HKDC1: variants seen among roughly 807,000 people sequenced by gnomAD.
HKDC1 encodes the protein hexokinase domain containing 1.
HKDC1 carries 66 observed loss-of-function variants against 96.6 expected under a neutral mutation model. The ratio of observed to expected loss-of-function variants is 0.68; its 90% CI spans 0.56 to 0.84. The LOEUF (loss-of-function observed/expected upper bound fraction) is 0.84, where lower values mean the gene tolerates loss of function less well. Among genes scored for constraint, HKDC1 ranks in the 40% least tolerant of loss-of-function variants. The pLI is 0.00. For missense variants in HKDC1, 1,211 were observed against 1,208.1 expected, an observed-to-expected ratio of 1.00 and a Z score of -0.04; for synonymous variants, 466 against 473.1, an observed-to-expected ratio of 0.98 and a Z score of 0.20.
At chr10:69,242,440 A>AAC (rs1564730436) in intron 6 of HKDC1, among the ~76,000 whole-genome samples, 1 of 150,622 alleles carries the variant, frequency 6.6e-6, no homozygotes, top group Admixed American at 6.6e-5. Flanking sequence ...AAAAAAAAAA[A>AAC]AAAAAAAAAA....
chr10:69,249,777 G>A (rs1242385731), intron 10 of HKDC1, among the ~76,000 whole-genome samples: 2 of 152,200 alleles, frequency 1.3e-5, no homozygotes, highest in East Asian at 3.8e-4. Context: ...GGGATTACAG[G>A]CGTGAGCCAC....
intron 1 of HKDC1, among the ~76,000 whole-genome samples, chr10:69,225,016 G>T (rs1843130235): frequency 6.6e-6 from 1 of 152,176 alleles, no homozygotes; most frequent in African/African-American, 2.4e-5. Context: ...TGTTCCTGGT[G>T]CTGTGGCAGA....
At chr10:69,250,972 A>G (rs1308951739) in intron 12 of HKDC1, among the ~76,000 whole-genome samples, 1 of 152,116 alleles carries the variant, frequency 6.6e-6, no homozygotes, top group African/African-American at 2.4e-5. Flanking sequence ...AGTTATAACA[A>G]TTGGGCAGTA....
intron 4 of HKDC1, among the ~76,000 whole-genome samples, chr10:69,237,398 A>G (rs1462702721): frequency 1.3e-5 from 2 of 151,966 alleles, no homozygotes; most frequent in Non-Finnish European, 2.9e-5. Context: ...AAGTTTAAAG[A>G]AGAAAATAGA....
chr10:69,262,935 C>T (rs191393576), intron 16 of HKDC1, among the ~76,000 whole-genome samples: 200 of 150,534 alleles, frequency 1.3e-3, no homozygotes, highest in East Asian at 6.6e-3. Flanking sequence ...TTTTTTTTTC[C>T]GTAATAAAAG....
In HKDC1 at chr10:69,250,519, C is replaced by T. The variant is rs185261510; in HGVS notation, c.1717-14C>T. ...GTCCGCCTGGTGTGAATGCCGCTCT[C>T]TCTCTCTCTGCAGCTCTTTGATCAC... On this transcript the variant is annotated splice_polypyrimidine_tract_variant and intron_variant, in intron 11 of 17. Transcript: ENST00000354624. The T allele has an allele frequency of 3.3e-3, 5,351 of 1,614,046 alleles. 16 individuals carry two copies. Among genetic ancestry groups the T allele is most frequent in the Non-Finnish European group, 3.7e-3 (4,308 of 1,179,982 alleles).
chr10:69,248,524 G>T lies in HKDC1; in HGVS notation c.1366G>T (p.Val456Leu). 1 of 1,613,616 alleles carries T rather than the reference G, an allele frequency of 6.2e-7. No homozygotes were observed. ...ESGSTKGAAM[V>L]TAVASRVQAQ... ...TGGCAGCACCAAGGGGGCCGCCATG[G>T]TGACCGCGGTGGCCTCCCGCGTGCA... is the stretch of plus-strand genomic sequence containing the variant. Residue 456 changes from valine to leucine, a missense_variant, in exon 10 of 18, where the codon GTG becomes TTG. Transcript: ENST00000354624.
intron 15 of HKDC1, 127 bp downstream of exon 15, chr10:69,259,086 C>T: frequency 1.4e-6 from 1 of 730,950 alleles, no homozygotes; most frequent in Non-Finnish European, 2.0e-6. Context: ...GTGAAATATC[C>T]TATTGGAACA....
intron 5 of HKDC1, 91 bp from the exon 6 acceptor site, chr10:69,240,561 C>A: frequency 1.9e-6 from 2 of 1,030,574 alleles, no homozygotes; most frequent in Non-Finnish European, 3.0e-6. Context: ...GTCTCAGCAG[C>A]CACCTTCACT....
chr10:69,227,316 C>A lies in HKDC1; in HGVS notation c.173C>A (p.Thr58Lys), dbSNP rs142379141. The change falls in exon 2 of 18, where the codon ACG becomes AAG. Residue 58 changes from threonine (T) to lysine (K), a missense_variant. Coordinates refer to ENST00000354624, the MANE Select transcript of HKDC1 (RefSeq NM_025130.4). ...EKGLAKDTNP[T>K]AAVKMLPTFV... Reference sequence around the variant, plus strand: ...GGCCTGGCAAAGGACACCAACCCCACGGCTGCAGTGAAGATGTTGCCCACC... The same window carrying A: ...GGCCTGGCAAAGGACACCAACCCCAAGGCTGCAGTGAAGATGTTGCCCACC... The A allele has an allele frequency of 6.8e-6, 11 of 1,614,066 alleles. No homozygotes were observed. The African/African-American group carries it at 1.2e-4, about 18-fold the overall frequency.
At chr10:69,221,414 C>T (rs1046516119) in intron 1 of HKDC1, among the ~76,000 whole-genome samples, 1 of 152,078 alleles carries the variant, frequency 6.6e-6, no homozygotes, top group Non-Finnish European at 1.5e-5. Context: ...TTCCAGGCAG[C>T]TAAAATGAGC....
At chr10:69,220,569 A>G (rs1843044455) in intron 1 of HKDC1, 71 bp downstream of exon 1, 9 of 1,149,442 alleles carry the variant, frequency 7.8e-6, no homozygotes, top group South Asian at 1.6e-5. Flanking sequence ...CCCTTAAAAA[A>G]AAAATCAGAA....
At chr10:69,237,688 C>T (rs964710451) in intron 4 of HKDC1, among the ~76,000 whole-genome samples, 3 of 152,206 alleles carry the variant, frequency 2.0e-5, no homozygotes, top group African/African-American at 7.2e-5. Flanking sequence ...GTGCATCTCT[C>T]CCCGCTCTGT....
At chr10:69,231,666 T>A (rs1270530579) in intron 2 of HKDC1, among the ~76,000 whole-genome samples, 1 of 152,156 alleles carries the variant, frequency 6.6e-6, no homozygotes, top group Non-Finnish European at 1.5e-5. Flanking sequence ...TATGCGCCTG[T>A]ATTTCGGATC....
At position 69,239,131 on chromosome 10, in the gene HKDC1, A is replaced by C. The variant is rs372325309; in HGVS notation, c.585A>C (p.Arg195Ser). The C allele has an allele frequency of 6.2e-7, 1 of 1,613,238 alleles. No homozygotes were observed. Among genetic ancestry groups the C allele is most frequent in the Non-Finnish European group, 8.5e-7 (1 of 1,179,286 alleles). Reference protein sequence around the residue: ...VVSRLTKAMRRHKDMDVDILA... With the variant: ...VVSRLTKAMRSHKDMDVDILA... ...GCCGTCTGACCAAAGCCATGAGAAGACACAAGGTGAGGAATTCACCTCGGT... is the reference window on the plus strand; with the variant it reads ...GCCGTCTGACCAAAGCCATGAGAAGCCACAAGGTGAGGAATTCACCTCGGT... The change falls in exon 5 of 18, where the codon AGA becomes AGC. Residue 195 changes from arginine (R) to serine (S), a missense_variant. Transcript: ENST00000354624.
chr10:69,233,829 C>T (rs1411466733), intron 4 of HKDC1, among the ~76,000 whole-genome samples: 4 of 135,428 alleles, frequency 3.0e-5, no homozygotes, highest in African/African-American at 5.6e-5. Context: ...ACCCGGGAGG[C>T]GGAGCTTGCA....
Position 69,246,071 on chromosome 10 carries a change from A to G in HKDC1, c.876-8A>G. 1 of 1,613,782 alleles carries G rather than the reference A, an allele frequency of 6.2e-7. No homozygotes were observed. The highest frequency in any genetic ancestry group is 8.5e-7 in the Non-Finnish European group (1 of 1,179,680). ...GCTGCGTCCACAGATCTGTTCACCA[A>G]CCTGCAGGTTCGAGAAGATGATCAG... On this transcript the variant is annotated splice_region_variant and splice_polypyrimidine_tract_variant and intron_variant, in intron 7 of 17. Transcript: ENST00000354624.
At chr10:69,242,429 G>GAAAAAAAAAAAA (rs5785904) in intron 6 of HKDC1, among the ~76,000 whole-genome samples, 2 of 115,348 alleles carry the variant, frequency 1.7e-5, no homozygotes, top group African/African-American at 6.4e-5. Context: ...AGATACTGAA[G>GAAAAAAAAAAAA]AAAAAAAAAA....
intron 6 of HKDC1, 120 bp downstream of exon 6, chr10:69,240,871 A>G (rs984580760): frequency 6.1e-6 from 4 of 659,200 alleles, no homozygotes; most frequent in Non-Finnish European, 1.1e-5. Context: ...GAGAAGCAAC[A>G]TAGGGACATG....
Sources: gnomAD v4.1 joint callset for allele counts (sites outside exome capture counted in the v4.1 genomes callset) on GRCh38, gnomAD v4.1.1 for gene constraint, MANE v1.5 for transcripts, NCBI Gene and HGNC (gene_info 2026-07-23, HGNC 2026-07-21) for gene names.